The following MDGA2 variants were observed in gnomAD, a reference collection of about 807,000 sequenced individuals.
MDGA2 encodes MAM domain containing glycosylphosphatidylinositol anchor 2, also known as MAM domain-containing glycosylphosphatidylinositol anchor protein 2.
Under a neutral mutation model 117.8 loss-of-function variants are expected in MDGA2, and 40 were observed. The ratio of observed to expected loss-of-function variants is 0.34; its 90% CI spans 0.26 to 0.44. The LOEUF is 0.44. MDGA2 is among the 20% of genes least tolerant of loss of function. The pLI is 1.00. For missense variants in MDGA2, 1,123 were observed against 1,250.6 expected (o/e 0.90, Z 1.54); for synonymous variants, 452 against 439.0 (o/e 1.03, Z -0.37).
At chr14:47,239,576 C>G (rs1886972933) in intron 2 of MDGA2, among the ~76,000 whole-genome samples, 1 of 151,774 alleles carries the variant, frequency 6.6e-6, no homozygotes, top group African/African-American at 2.4e-5. Context: ...TTTGTTACTT[C>G]TTAATATTTC....
chr14:47,514,025 TG>T (rs1193169181), intron 1 of MDGA2, among the ~76,000 whole-genome samples: 3 of 152,034 alleles, frequency 2.0e-5, no homozygotes, highest in African/African-American at 7.2e-5. Context: ...GACACCGGAG[TG>T]GGGAGTTGAA....
chr14:46,871,511 T>C (rs1881996330), intron 14 of MDGA2: 1 of 152,030 alleles, frequency 6.6e-6, no homozygotes, highest in Non-Finnish European at 1.5e-5. Context: ...CAAATGTTGA[T>C]CGTGAAAATT....
At chr14:47,340,453 T>A (rs1424024032) in intron 1 of MDGA2, among the ~76,000 whole-genome samples, 2 of 152,142 alleles carry the variant, frequency 1.3e-5, no homozygotes, top group Non-Finnish European at 2.9e-5. Flanking sequence ...CCAGGGTAAT[T>A]ATATAGAATA....
chr14:47,672,769 G>A (rs1290156760), intron 1 of MDGA2, among the ~76,000 whole-genome samples: 1 of 152,192 alleles, frequency 6.6e-6, no homozygotes, highest in African/African-American at 2.4e-5. Context: ...AGCCCTTTGA[G>A]AAAGCTTTAT....
At chr14:47,223,586 T>C (rs975724974) in intron 2 of MDGA2, among the ~76,000 whole-genome samples, 1 of 152,148 alleles carries the variant, frequency 6.6e-6, no homozygotes, top group Non-Finnish European at 1.5e-5. Flanking sequence ...CTCTTTACTC[T>C]GAATAGCACC....
intron 6 of MDGA2, among the ~76,000 whole-genome samples, chr14:47,075,985 TA>T (rs1458615469): frequency 6.6e-6 from 1 of 152,036 alleles, no homozygotes; most frequent in East Asian, 1.9e-4. Flanking sequence ...CTATCACCAA[TA>T]TAAAAATTAG....
chr14:47,042,317 T>TTG (rs1555346001), intron 7 of MDGA2, among the ~76,000 whole-genome samples: 2 of 99,242 alleles, frequency 2.0e-5, no homozygotes, highest in Admixed American at 1.0e-4. Context: ...TCTATGTTTT[T>TTG]TTTTTTTTTT....
intron 9 of MDGA2, among the ~76,000 whole-genome samples, chr14:46,955,470 G>T (rs936343376): frequency 2.0e-5 from 3 of 152,024 alleles, no homozygotes; most frequent in African/African-American, 7.2e-5. Context: ...TCTTTAACAT[G>T]GATAATATAC....
At chr14:47,555,656 A>G (rs533169885) in intron 1 of MDGA2, among the ~76,000 whole-genome samples, 1 of 152,318 alleles carries the variant, frequency 6.6e-6, no homozygotes, top group African/African-American at 2.4e-5. Context: ...AATGAAGATA[A>G]GAAAATAGAG....
chr14:47,310,413 C>T (rs917961190), intron 1 of MDGA2, among the ~76,000 whole-genome samples: 1 of 152,090 alleles, frequency 6.6e-6, no homozygotes, highest in Non-Finnish European at 1.5e-5. Flanking sequence ...AAGTCCCTCA[C>T]TATGTTCTTC....
At chr14:47,050,019 CAG>C (rs935784505) in intron 7 of MDGA2, among the ~76,000 whole-genome samples, 107 of 152,082 alleles carry the variant, frequency 7.0e-4, no homozygotes, top group African/African-American at 2.6e-3. Context: ...GGTCAGAAGG[CAG>C]ATACAATGTG....
chr14:47,495,117 G>C lies in MDGA2; in HGVS notation c.280+179400C>G, dbSNP rs151187133. ...AAAGAATAAAATTGTCTCTTTTGCA[G>C]CAACATGGGTGGAACTGGAAGCAAT... On this transcript the variant is annotated intron_variant, in intron 1 of 16. Transcript: ENST00000399232. Among the ~76,000 whole-genome samples, 594 of 152,078 alleles carry C rather than the reference G, an allele frequency of 3.9e-3. 2 individuals are homozygous for C. Among genetic ancestry groups the C allele is most frequent in the African/African-American group, 0.013 (549 of 41,488 alleles).
At chr14:46,982,984 A>G (rs1886738857) in intron 8 of MDGA2, among the ~76,000 whole-genome samples, 1 of 152,014 alleles carries the variant, frequency 6.6e-6, no homozygotes, top group Admixed American at 6.6e-5. Context: ...ACGTCCCATC[A>G]ATACCTAATT....
chr14:46,893,270 C>A (rs971541198), intron 10 of MDGA2, among the ~76,000 whole-genome samples: 1 of 151,850 alleles, frequency 6.6e-6, no homozygotes, highest in Non-Finnish European at 1.5e-5. Flanking sequence ...CATGATATCA[C>A]TTATATGTGG....
chr14:47,175,701 T>C (rs1884410669), intron 3 of MDGA2, among the ~76,000 whole-genome samples: 1 of 149,682 alleles, frequency 6.7e-6, no homozygotes, highest in African/African-American at 2.5e-5. Context: ...TCATACTGAA[T>C]GGGCAAAAAC....
chr14:47,191,316 AC>A (rs1179035024), intron 3 of MDGA2, among the ~76,000 whole-genome samples: 1 of 151,110 alleles, frequency 6.6e-6, no homozygotes, highest in Non-Finnish European at 1.5e-5. Flanking sequence ...AATAAAATTA[AC>A]CAGTATCTTT....
chr14:47,497,431 A>AT (rs886182329), intron 1 of MDGA2, among the ~76,000 whole-genome samples: 2 of 151,870 alleles, frequency 1.3e-5, no homozygotes, highest in African/African-American at 4.8e-5. Context: ...TAATTTTTCT[A>AT]TTTTTTAGTA....
At chr14:47,242,081 A>G (rs1887060566) in intron 2 of MDGA2, among the ~76,000 whole-genome samples, 1 of 151,774 alleles carries the variant, frequency 6.6e-6, no homozygotes, top group Non-Finnish European at 1.5e-5. Context: ...AAAACCTACT[A>G]AGTGTCTTAT....
intron 1 of MDGA2, among the ~76,000 whole-genome samples, chr14:47,664,887 C>T (rs761909): frequency 1 from 151,613 of 152,344 alleles, 75,447 homozygotes; most frequent in East Asian, 1. Context: ...AACTGTCCTA[C>T]CTTCTGAAGA....
Sources: allele counts gnomAD v4.1 joint callset (sites outside exome capture counted in the v4.1 genomes callset), GRCh38; gene constraint gnomAD v4.1.1; transcripts MANE v1.5; gene names NCBI Gene and HGNC (gene_info 2026-07-23, HGNC 2026-07-21).